The following SYT1 variants were observed in gnomAD, a reference collection of about 807,000 sequenced individuals.
SYT1 encodes synaptotagmin 1, also known as synaptotagmin-1.
A neutral mutation model predicts 44.8 loss-of-function variants in SYT1; 8 were observed. That is an observed-to-expected ratio of 0.18 (90% confidence interval 0.10 to 0.32). The LOEUF is 0.32. SYT1 is among the 10% of genes least tolerant of loss of function. SYT1 has a pLI of 1.00. For missense variants in SYT1, 286 were observed against 509.3 expected (o/e 0.56, Z 4.22); for synonymous variants, 154 against 188.8 (o/e 0.82, Z 1.51).
intron 3 of SYT1, among the ~76,000 whole-genome samples, chr12:79,073,922 A>T (rs147589138): frequency 6.6e-6 from 1 of 152,226 alleles, no homozygotes; most frequent in African/African-American, 2.4e-5. Context: ...ATAATGAGCA[A>T]CTTAATTCAG....
intron 8 of SYT1, among the ~76,000 whole-genome samples, chr12:79,303,902 C>G (rs918539421): frequency 6.6e-6 from 1 of 152,106 alleles, no homozygotes; most frequent in Non-Finnish European, 1.5e-5. Flanking sequence ...AGCAATCAGA[C>G]GGCAACTATG....
chr12:79,247,780 C>CAA (rs71309576), intron 4 of SYT1, among the ~76,000 whole-genome samples: 42 of 143,444 alleles, frequency 2.9e-4, no homozygotes, highest in African/African-American at 1.0e-3. Context: ...TAAAAGAAAA[C>CAA]AAAAAAAAAA....
In SYT1 at chr12:78,981,125, G is replaced by GTT. The variant is rs1171068435; in HGVS notation, c.-84+3212_-84+3213dup. 5.4e-3 allele frequency among the ~76,000 whole-genome samples: 661 copies of GTT among 122,672 alleles called. 6 individuals are homozygous for GTT. Among genetic ancestry groups the GTT allele is most frequent in the African/African-American group, 0.015 (473 of 32,228 alleles). The allele number at this position is 122,672 out of a possible 152,430, so 80.5% of individuals were successfully genotyped here. ...TTGTTGTTGTTTTGTTTGTTTCTTT[G>GTT]TTTTTTTTTTTTTTTTTTTGAGACG... On this transcript the variant is annotated intron_variant, in intron 2 of 10. Transcript: ENST00000261205.
intron 2 of SYT1, among the ~76,000 whole-genome samples, chr12:79,001,851 T>G (rs1870760956): frequency 6.6e-6 from 1 of 152,160 alleles, no homozygotes. Context: ...TATTGATTTC[T>G]TCAACTTTCT....
chr12:79,353,482 T>A lies in SYT1; in HGVS notation c.811-20T>A. The A allele has an allele frequency of 1.3e-6, 2 of 1,558,006 alleles. No individual in the cohort carries two copies. Among genetic ancestry groups the A allele is most frequent in the Non-Finnish European group, 1.8e-6 (2 of 1,129,032 alleles). ...CTTGTATTTGAAAAATTGCTAATAC[T>A]TTCTTATTGGTTTTCTTAGCAAGAG... On this transcript the variant is annotated intron_variant, in intron 8 of 10. Transcript: ENST00000261205.
At chr12:79,158,918 A>G (rs1471100239) in intron 3 of SYT1, among the ~76,000 whole-genome samples, 2 of 152,104 alleles carry the variant, frequency 1.3e-5, no homozygotes, top group African/African-American at 4.8e-5. Flanking sequence ...TTGATAAAAG[A>G]TAGGTTGAAT....
intron 8 of SYT1, among the ~76,000 whole-genome samples, chr12:79,344,125 C>T (rs757209421): frequency 6.6e-6 from 1 of 152,154 alleles, no homozygotes; most frequent in Non-Finnish European, 1.5e-5. Context: ...AGGTGGATCC[C>T]GATGGTTAAG....
intron 3 of SYT1, among the ~76,000 whole-genome samples, chr12:79,111,846 C>T (rs1050490816): frequency 2.0e-5 from 3 of 152,008 alleles, no homozygotes; most frequent in Non-Finnish European, 4.4e-5. Context: ...ATAAGGCCTT[C>T]CTGTCATGTA....
chr12:78,937,182 T>A (rs1023740980), intron 1 of SYT1, among the ~76,000 whole-genome samples: 3 of 152,160 alleles, frequency 2.0e-5, no homozygotes, highest in African/African-American at 7.2e-5. Flanking sequence ...AGGGGAATGT[T>A]TAGTCCACCT....
At chr12:79,021,412 C>G (rs1021075415) in intron 2 of SYT1, among the ~76,000 whole-genome samples, 1 of 151,780 alleles carries the variant, frequency 6.6e-6, no homozygotes, top group Non-Finnish European at 1.5e-5. Context: ...CTGCCTCACC[C>G]TGTTTCTCCA....
At chr12:79,391,336 C>A (rs868175884) in intron 9 of SYT1, among the ~76,000 whole-genome samples, 10 of 152,138 alleles carry the variant, frequency 6.6e-5, no homozygotes, top group Middle Eastern at 3.4e-3. Flanking sequence ...TAAGAAGCAC[C>A]AGCTCAAAGA....
chr12:79,104,050 TATA>T (rs1878578280), intron 3 of SYT1, among the ~76,000 whole-genome samples: 1 of 152,140 alleles, frequency 6.6e-6, no homozygotes, highest in African/African-American at 2.4e-5. Context: ...ACAGTATTAT[TATA>T]TGCTGTTGTC....
intron 9 of SYT1, among the ~76,000 whole-genome samples, chr12:79,405,464 C>T (rs1885211651): frequency 4.6e-5 from 7 of 152,046 alleles, no homozygotes; most frequent in Admixed American, 4.6e-4. Context: ...ATGGGAAATA[C>T]AAAAATAAAT....
intron 8 of SYT1, among the ~76,000 whole-genome samples, chr12:79,316,995 A>C (rs1881119940): frequency 6.6e-6 from 1 of 152,192 alleles, no homozygotes. Flanking sequence ...TAAATTATAT[A>C]CCTATGTGTT....
At chr12:79,273,811 C>T (rs944397427) in intron 4 of SYT1, among the ~76,000 whole-genome samples, 1 of 152,218 alleles carries the variant, frequency 6.6e-6, no homozygotes, top group Admixed American at 6.5e-5. Flanking sequence ...TGTGGTGGGG[C>T]GTGATGGCTC....
chr12:79,128,207 A>G (rs1475877305), intron 3 of SYT1, among the ~76,000 whole-genome samples: 1 of 152,118 alleles, frequency 6.6e-6, no homozygotes, highest in Non-Finnish European at 1.5e-5. Context: ...CAGCCTGGGC[A>G]ACATAAGGAG....
At chr12:79,182,129 AC>A (rs1872582820) in intron 3 of SYT1, among the ~76,000 whole-genome samples, 1 of 152,088 alleles carries the variant, frequency 6.6e-6, no homozygotes, top group South Asian at 2.1e-4. Context: ...TTTTAAAATC[AC>A]AGCTTTTTAC....
intron 9 of SYT1, among the ~76,000 whole-genome samples, chr12:79,402,524 T>A (rs771789903): frequency 6.6e-6 from 1 of 152,142 alleles, no homozygotes; most frequent in Non-Finnish European, 1.5e-5. Flanking sequence ...AGAAACAGAT[T>A]TTCGCAGGTG....
At chr12:79,052,801 A>T (rs564395546) in intron 3 of SYT1, among the ~76,000 whole-genome samples, 2 of 152,284 alleles carry the variant, frequency 1.3e-5, no homozygotes, top group Non-Finnish European at 2.9e-5. Flanking sequence ...TCAAAACCAC[A>T]ATGAGATACC....
Sources: gnomAD v4.1 joint callset for allele counts (sites outside exome capture counted in the v4.1 genomes callset) on GRCh38, gnomAD v4.1.1 for gene constraint, MANE v1.5 for transcripts, NCBI Gene and HGNC (gene_info 2026-07-23, HGNC 2026-07-21) for gene names.